RALB: variants seen among roughly 807,000 people sequenced by gnomAD.
RALB encodes the protein RAS like proto-oncogene B.
A neutral mutation model predicts 21.3 loss-of-function variants in RALB; 16 were observed. The ratio of observed to expected loss-of-function variants is 0.75; its 90% CI spans 0.51 to 1.14. RALB has a LOEUF of 1.14. RALB is among the 50% of genes most tolerant of loss of function. The probability of loss-of-function intolerance (pLI) is 0.00; values close to 1 mark genes in which losing one functional copy is unlikely to be tolerated. For synonymous variants in RALB, 93 were observed against 96.1 expected (o/e 0.97, Z 0.19); for missense variants, 161 against 256.2 (o/e 0.63, Z 2.54).
intron 1 of RALB, among the ~76,000 whole-genome samples, chr2:120,246,681 T>A (rs1688975977): frequency 1.3e-5 from 2 of 152,182 alleles, no homozygotes; most frequent in Non-Finnish European, 2.9e-5. Context: ...GCGGTCAGCA[T>A]GTAGGATAGG....
intron 1 of RALB, among the ~76,000 whole-genome samples, chr2:120,274,679 C>T (rs904346343): frequency 1.1e-4 from 17 of 152,092 alleles, no homozygotes; most frequent in Admixed American, 9.8e-4. Flanking sequence ...ATCATAGGTG[C>T]TTTTTATGTG....
chr2:120,242,043 C>T (rs1323375862), intron 1 of RALB, among the ~76,000 whole-genome samples: 4 of 152,148 alleles, frequency 2.6e-5, no homozygotes, highest in Admixed American at 1.3e-4. Context: ...AGTGGATAAA[C>T]AGAGTGTGGC....
chr2:120,292,109 A>G lies in RALB; in HGVS notation c.502-1032A>G, dbSNP rs150660326. ...GCTGGTAGCAGAGGGCAAAACCCAA[A>G]CTACTGTGACAAAAGGATAATCCAT... is the stretch of plus-strand genomic sequence containing the variant. On this transcript the variant is annotated intron_variant, in intron 4 of 4. Coordinates refer to ENST00000272519, the MANE Select transcript of RALB (RefSeq NM_002881.3). Among the ~76,000 whole-genome samples, 423 of 152,312 alleles carry G rather than the reference A, an allele frequency of 2.8e-3. 2 individuals are homozygous for G. Among genetic ancestry groups the G allele is most frequent in the African/African-American group, 9.6e-3 (400 of 41,570 alleles).
intron 1 of RALB, among the ~76,000 whole-genome samples, chr2:120,242,753 T>C (rs1360283357): frequency 1.3e-5 from 2 of 151,652 alleles, no homozygotes; most frequent in Non-Finnish European, 1.5e-5. Context: ...ATAGTAATAA[T>C]AATAATAATT....
intron 1 of RALB, among the ~76,000 whole-genome samples, chr2:120,247,139 C>T (rs1194502334): frequency 1.3e-5 from 2 of 152,130 alleles, no homozygotes; most frequent in Admixed American, 1.3e-4. Context: ...AAGCCCAGAG[C>T]ATGCGTCTGC....
intron 1 of RALB, among the ~76,000 whole-genome samples, chr2:120,241,285 G>T (rs1194265871): frequency 6.6e-6 from 1 of 152,200 alleles, no homozygotes; most frequent in African/African-American, 2.4e-5. Context: ...CAGCCTGTTT[G>T]CCTCCTAGGA....
rs1229197182 is a variant in RALB at position 120,293,195 on chromosome 2, G to C, written c.556G>C (p.Asp186His). ...IRTKKMSENK[D>H]KNGKKSSKNK... ...AACAAAGAAGATGTCAGAAAACAAA[G>C]ACAAGAATGGCAAGAAAAGCAGCAA... Residue 186 changes from aspartate (D) to histidine (H), a missense_variant, in exon 5 of 5, where the codon GAC becomes CAC. Transcript: ENST00000272519. The C allele has an allele frequency of 6.2e-7, 1 of 1,613,656 alleles. No individual in the cohort carries two copies. Among genetic ancestry groups the C allele is most frequent in the Non-Finnish European group, 8.5e-7 (1 of 1,179,782 alleles).
intron 1 of RALB, among the ~76,000 whole-genome samples, chr2:120,259,577 C>G (rs1449548246): frequency 6.6e-6 from 1 of 151,542 alleles, no homozygotes; most frequent in South Asian, 2.1e-4. Flanking sequence ...GATTGGTGCA[C>G]TCACAAACCT....
chr2:120,250,528 A>G (rs1689037356), upstream of RALB, among the ~76,000 whole-genome samples: 1 of 152,240 alleles, frequency 6.6e-6, no homozygotes, highest in Non-Finnish European at 1.5e-5. Flanking sequence ...AGAGGAGTAG[A>G]AATGTTTGTC....
intron 1 of RALB, among the ~76,000 whole-genome samples, chr2:120,243,636 T>G (rs935310579): frequency 2.0e-5 from 3 of 152,166 alleles, no homozygotes; most frequent in African/African-American, 7.2e-5. Flanking sequence ...GATTTGATGC[T>G]GTTGGTGGGT....
At chr2:120,260,117 C>T (rs1689322866) in intron 1 of RALB, among the ~76,000 whole-genome samples, 1 of 152,362 alleles carries the variant, frequency 6.6e-6, no homozygotes, top group African/African-American at 2.4e-5. Context: ...AGCCCCGGTT[C>T]CTGCTCGTGC....
chr2:120,286,945 T>G (rs116637783), intron 3 of RALB, among the ~76,000 whole-genome samples: 3,301 of 151,064 alleles, frequency 0.022, 54 homozygotes, highest in Non-Finnish European at 0.033. Flanking sequence ...ATAATTCTTA[T>G]GCTCTATAAA....
upstream of RALB, among the ~76,000 whole-genome samples, chr2:120,250,358 C>T (rs949630176): frequency 3.9e-5 from 6 of 152,170 alleles, no homozygotes; most frequent in Non-Finnish European, 8.8e-5. Context: ...TTCTCAGTAG[C>T]CATACCAAGG....
chr2:120,259,931 C>T (rs957997585), intron 1 of RALB, among the ~76,000 whole-genome samples: 23 of 152,204 alleles, frequency 1.5e-4, no homozygotes, highest in African/African-American at 5.3e-4. Context: ...AGAAATCGAG[C>T]GCAGTGCCGG....
chr2:120,280,918 C>T, intron 2 of RALB: 2 of 414,822 alleles, frequency 4.8e-6, no homozygotes, highest in Non-Finnish European at 9.4e-6. Flanking sequence ...GTATGTCAGG[C>T]AGTTTAATTA....
intron 1 of RALB, among the ~76,000 whole-genome samples, chr2:120,260,020 C>A (rs1312004979): frequency 6.6e-6 from 1 of 152,232 alleles, no homozygotes; most frequent in African/African-American, 2.4e-5. Context: ...TGCCCGGGGC[C>A]AGCAGGGCTG....
At chr2:120,272,007 G>A (rs1260393436) in intron 1 of RALB, among the ~76,000 whole-genome samples, 3 of 152,118 alleles carry the variant, frequency 2.0e-5, no homozygotes, top group Non-Finnish European at 4.4e-5. Context: ...CTTAACTCAG[G>A]CTGCCATAAC....
intron 1 of RALB, among the ~76,000 whole-genome samples, chr2:120,262,892 G>A (rs1689402202): frequency 6.6e-6 from 1 of 152,146 alleles, no homozygotes; most frequent in Non-Finnish European, 1.5e-5. Flanking sequence ...TATGCCTTTG[G>A]TACGCGTTTT....
intron 2 of RALB, among the ~76,000 whole-genome samples, chr2:120,283,378 A>G (rs910811702): frequency 5.9e-5 from 9 of 152,192 alleles, no homozygotes; most frequent in Admixed American, 3.9e-4. Flanking sequence ...AAGCCGAAAG[A>G]TTGGACACCC....
Sources: gnomAD v4.1 joint callset for allele counts (sites outside exome capture counted in the v4.1 genomes callset) on GRCh38, gnomAD v4.1.1 for gene constraint, MANE v1.5 for transcripts, NCBI Gene and HGNC (gene_info 2026-07-23, HGNC 2026-07-21) for gene names.